SNTG1: variants seen among roughly 807,000 people sequenced by gnomAD.
SNTG1 encodes gamma-1-syntrophin.
In SNTG1, 39 loss-of-function variants were observed where a neutral mutation model predicts 74.7. That is an observed-to-expected ratio of 0.52 (90% confidence interval 0.40 to 0.68). SNTG1 has a LOEUF of 0.68. SNTG1 is among the 30% of genes least tolerant of loss of function. SNTG1 has a pLI of 0.00. For synonymous variants in SNTG1, 254 were observed against 217.1 expected, an observed-to-expected ratio of 1.17 and a Z score of -1.49; for missense variants, 685 against 609.5, an observed-to-expected ratio of 1.12 and a Z score of -1.30.
At chr8:50,055,326 G>A (rs539222216) in intron 1 of SNTG1, among the ~76,000 whole-genome samples, 4 of 152,168 alleles carry the variant, frequency 2.6e-5, no homozygotes, top group African/African-American at 4.8e-5. Context: ...AAAGCAAGAA[G>A]CACTCCCATT....
chr8:50,373,787 C>A (rs562437747), intron 2 of SNTG1, among the ~76,000 whole-genome samples: 70 of 152,238 alleles, frequency 4.6e-4, no homozygotes, highest in African/African-American at 1.5e-3. Flanking sequence ...TTCATGGTGA[C>A]AATAACTGTG....
chr8:50,283,934 T>C (rs1400966299), intron 2 of SNTG1, among the ~76,000 whole-genome samples: 2 of 152,158 alleles, frequency 1.3e-5, no homozygotes, highest in Non-Finnish European at 2.9e-5. Flanking sequence ...AGTATATGAA[T>C]ATGGTGCACT....
At chr8:50,076,205 T>G (rs1419724015) in intron 1 of SNTG1, among the ~76,000 whole-genome samples, 2 of 152,204 alleles carry the variant, frequency 1.3e-5, no homozygotes, top group Non-Finnish European at 1.5e-5. Context: ...GCCAGCAAAT[T>G]CCACATGCTA....
At position 49,976,722 on chromosome 8, in the gene SNTG1, G is replaced by A. The variant is rs904640898; in HGVS notation, c.-103+64491G>A. On this transcript the variant is annotated intron_variant, in intron 1 of 18. Coordinates refer to ENST00000642720, the MANE Select transcript of SNTG1 (RefSeq NM_018967.5). ...GCGCCCAGGTAGGAGTGAGCCCACA[G>A]GTTAGAGGAAGCAAGAGAAGGGAGC... is the stretch of plus-strand genomic sequence containing the variant. Among the ~76,000 whole-genome samples the A allele has an allele frequency of 3.3e-5, 5 of 152,168 alleles. No homozygotes were observed. In the South Asian group the frequency reaches 6.2e-4, roughly 19 times the overall value.
chr8:50,761,426 C>T (rs776962094), intron 18 of SNTG1, among the ~76,000 whole-genome samples: 9 of 151,868 alleles, frequency 5.9e-5, no homozygotes, highest in Non-Finnish European at 1.3e-4. Context: ...TGTGGCTTCA[C>T]ATATGCTGCT....
intron 17 of SNTG1, among the ~76,000 whole-genome samples, chr8:50,742,127 A>G (rs2131666455): frequency 6.6e-6 from 1 of 152,090 alleles, no homozygotes; most frequent in Non-Finnish European, 1.5e-5. Context: ...AATAAAATCT[A>G]TTATTAATTT....
chr8:50,595,337 C>T (rs760583332), intron 13 of SNTG1, among the ~76,000 whole-genome samples: 2 of 151,980 alleles, frequency 1.3e-5, no homozygotes, highest in African/African-American at 4.8e-5. Context: ...TATAAATTAA[C>T]TCTTGGAAAA....
At chr8:50,403,148 T>C (rs1477350186) in intron 4 of SNTG1, among the ~76,000 whole-genome samples, 2 of 152,224 alleles carry the variant, frequency 1.3e-5, no homozygotes, top group African/African-American at 4.8e-5. Flanking sequence ...GACAGTAGCA[T>C]GTAGTCTGCT....
chr8:50,723,021 A>G (rs902614276), intron 17 of SNTG1, among the ~76,000 whole-genome samples: 1 of 152,156 alleles, frequency 6.6e-6, no homozygotes, highest in African/African-American at 2.4e-5. Context: ...TTCATGGGAA[A>G]AAGAAAGTGC....
At chr8:50,638,290 GTGC>G (rs2095051490) in intron 13 of SNTG1, among the ~76,000 whole-genome samples, 1 of 152,078 alleles carries the variant, frequency 6.6e-6, no homozygotes, top group Non-Finnish European at 1.5e-5. Context: ...TAATACATTT[GTGC>G]TGTTATAAAC....
chr8:50,333,723 G>A (rs983130713), intron 2 of SNTG1, among the ~76,000 whole-genome samples: 1 of 152,084 alleles, frequency 6.6e-6, no homozygotes, highest in African/African-American at 2.4e-5. Context: ...ATCTTTATGA[G>A]GCCAACGTTG....
chr8:50,720,019 G>A (rs183657786), intron 17 of SNTG1, among the ~76,000 whole-genome samples: 1 of 152,266 alleles, frequency 6.6e-6, no homozygotes, highest in African/African-American at 2.4e-5. Flanking sequence ...GAAGTTCTGA[G>A]CTTGATTAGA....
intron 1 of SNTG1, among the ~76,000 whole-genome samples, chr8:50,110,657 C>T (rs928769271): frequency 6.6e-6 from 1 of 152,128 alleles, no homozygotes; most frequent in Admixed American, 6.6e-5. Flanking sequence ...TCCAGGTAAA[C>T]ATATTTAGTA....
chr8:50,101,916 C>A (rs1431313874), intron 1 of SNTG1, among the ~76,000 whole-genome samples: 1 of 152,048 alleles, frequency 6.6e-6, no homozygotes, highest in East Asian at 1.9e-4. Flanking sequence ...GCATAGTATT[C>A]CATGGTGTAT....
At chr8:50,223,984 A>G (rs1023205462) in intron 2 of SNTG1, among the ~76,000 whole-genome samples, 2 of 152,268 alleles carry the variant, frequency 1.3e-5, no homozygotes, top group African/African-American at 2.4e-5. Context: ...TAATAAAAAA[A>G]TAGTAAAATT....
intron 17 of SNTG1, among the ~76,000 whole-genome samples, chr8:50,716,576 G>C (rs1192189885): frequency 6.6e-6 from 1 of 151,814 alleles, no homozygotes; most frequent in African/African-American, 2.4e-5. Context: ...TCAGGTACTT[G>C]TTTCCTAATC....
rs111724020 is a variant in SNTG1, at chr8:50,036,235, A to G, written c.-103+124004A>G. On this transcript the variant is annotated intron_variant, in intron 1 of 18. Transcript: ENST00000642720. ...TTAAACACACACAAAAAAAGCTACA[A>G]AACAGTTCAACACCATTTTATTGAT... Among the ~76,000 whole-genome samples the G allele has an allele frequency of 7.2e-5, 11 of 152,332 alleles. 1 individual carries two copies. Among genetic ancestry groups the G allele is most frequent in the African/African-American group, 2.4e-4 (10 of 41,572 alleles).
chr8:50,281,585 A>G (rs2088458807), intron 2 of SNTG1, among the ~76,000 whole-genome samples: 1 of 152,162 alleles, frequency 6.6e-6, no homozygotes, highest in Non-Finnish European at 1.5e-5. Context: ...GCTAGTTTGG[A>G]AAGTCATAGT....
At chr8:49,917,170 A>G (rs1806120804) in intron 1 of SNTG1, among the ~76,000 whole-genome samples, 1 of 152,200 alleles carries the variant, frequency 6.6e-6, no homozygotes, top group Non-Finnish European at 1.5e-5. Context: ...CTGAGGTTCA[A>G]CATGGTTTGT....
Sources: allele counts gnomAD v4.1 joint callset (sites outside exome capture counted in the v4.1 genomes callset), GRCh38; gene constraint gnomAD v4.1.1; transcripts MANE v1.5; gene names NCBI Gene and HGNC (gene_info 2026-07-23, HGNC 2026-07-21).